RAB38: variants seen among roughly 807,000 people sequenced by gnomAD.
The protein encoded by RAB38 is RAB38, member RAS oncogene family.
RAB38 carries 15 observed loss-of-function variants against 18.4 expected under a neutral mutation model. The ratio of observed to expected loss-of-function variants is 0.82; its 90% confidence interval spans 0.55 to 1.26. The LOEUF (loss-of-function observed/expected upper bound fraction) is 1.26, where lower values mean the gene tolerates loss of function less well. Ranked by LOEUF, RAB38 falls within the 50% of genes most tolerant of loss-of-function variation. RAB38 has a pLI of 0.00. For synonymous variants in RAB38, 101 were observed against 104.4 expected (o/e 0.97, Z 0.20); for missense variants, 294 against 267.4 (o/e 1.10, Z -0.69).
chr11:87,866,660 G>A, the RAB38 span, among the ~76,000 whole-genome samples: 12 of 151,674 alleles, frequency 7.9e-5, no homozygotes, highest in African/African-American at 2.2e-4. Flanking sequence ...AACTCCTACC[G>A]TGTGCCATAT....
chr11:87,846,825 AAGAC>A, the RAB38 span, among the ~76,000 whole-genome samples: 1 of 152,098 alleles, frequency 6.6e-6, no homozygotes, highest in Non-Finnish European at 1.5e-5. Flanking sequence ...AAATCTGAGT[AAGAC>A]AAAGTGCATT....
chr11:87,976,941 A>G, the RAB38 span, among the ~76,000 whole-genome samples: 1,994 of 41,940 alleles, frequency 0.048, 886 homozygotes, highest in Middle Eastern at 0.059. Context: ...ATACAAGTAT[A>G]TTATAAAATA....
At chr11:87,922,690 T>C in the RAB38 span, among the ~76,000 whole-genome samples, 14 of 151,926 alleles carry the variant, frequency 9.2e-5, no homozygotes, top group Non-Finnish European at 1.6e-4. Context: ...TACATGGAAA[T>C]GTGGTAGTTA....
the RAB38 span, among the ~76,000 whole-genome samples, chr11:87,819,812 A>C: frequency 6.7e-6 from 1 of 149,628 alleles, no homozygotes; most frequent in African/African-American, 2.5e-5. Context: ...ATATATATAT[A>C]TATCCATCCA....
At chr11:88,013,257 C>A in the RAB38 span, among the ~76,000 whole-genome samples, 1 of 152,090 alleles carries the variant, frequency 6.6e-6, no homozygotes, top group Non-Finnish European at 1.5e-5. Context: ...AAAGAAATAA[C>A]AGCCTTGATA....
At chr11:87,840,013 G>T in the RAB38 span, among the ~76,000 whole-genome samples, 1 of 152,146 alleles carries the variant, frequency 6.6e-6, no homozygotes, top group Non-Finnish European at 1.5e-5. Context: ...GTAAACCAGT[G>T]AGCCCATGTA....
the RAB38 span, among the ~76,000 whole-genome samples, chr11:87,893,533 A>G: frequency 1.3e-5 from 2 of 151,208 alleles, no homozygotes; most frequent in African/African-American, 4.8e-5. Context: ...AAAGCAAAAC[A>G]TTAAATTTAC....
At chr11:87,930,498 T>C in the RAB38 span, among the ~76,000 whole-genome samples, 1 of 152,232 alleles carries the variant, frequency 6.6e-6, no homozygotes, top group African/African-American at 2.4e-5. Context: ...GCAAAAATTT[T>C]CTCCCATTCT....
At chr11:88,052,590 C>G in the RAB38 span, among the ~76,000 whole-genome samples, 1 of 151,958 alleles carries the variant, frequency 6.6e-6, no homozygotes, top group Non-Finnish European at 1.5e-5. Flanking sequence ...TAGATACTCT[C>G]TTTTTTAAAA....
chr11:88,087,426 C>G, the RAB38 span, among the ~76,000 whole-genome samples: 33 of 152,070 alleles, frequency 2.2e-4, no homozygotes, highest in African/African-American at 6.7e-4. Context: ...TGATGCAGAA[C>G]AGATGAGCCC....
the RAB38 span, among the ~76,000 whole-genome samples, chr11:87,872,239 A>T: frequency 6.6e-6 from 1 of 151,534 alleles, no homozygotes; most frequent in African/African-American, 2.4e-5. Flanking sequence ...TCCGTTTCCC[A>T]TGAAGAGACT....
At chr11:88,070,271 G>A in the RAB38 span, among the ~76,000 whole-genome samples, 700 of 152,232 alleles carry the variant, frequency 4.6e-3, 3 homozygotes, top group African/African-American at 0.016. Flanking sequence ...CGCCTTAAGA[G>A]CTGTAATACT....
chr11:87,921,073 G>C, the RAB38 span, among the ~76,000 whole-genome samples: 11 of 151,936 alleles, frequency 7.2e-5, no homozygotes, highest in East Asian at 1.9e-4. Context: ...TGAACAAGAG[G>C]GGGTAAACCC....
At chr11:87,940,324 C>G in the RAB38 span, among the ~76,000 whole-genome samples, 1 of 152,076 alleles carries the variant, frequency 6.6e-6, no homozygotes, top group Non-Finnish European at 1.5e-5. Context: ...ATGAGAAAGA[C>G]ACTCATCTCT....
At chr11:87,972,084 C>A in the RAB38 span, among the ~76,000 whole-genome samples, 2 of 152,006 alleles carry the variant, frequency 1.3e-5, no homozygotes, top group South Asian at 2.1e-4. Context: ...AAAGACGATT[C>A]ACCTCTCTGC....
chr11:88,173,246 TA>T (rs990341538), intron 1 of RAB38, among the ~76,000 whole-genome samples: 11 of 152,128 alleles, frequency 7.2e-5, no homozygotes, highest in African/African-American at 9.7e-5. Context: ...TATATAGGCT[TA>T]AAAAAATGGT....
At chr11:87,858,221 A>G in the RAB38 span, among the ~76,000 whole-genome samples, 2 of 152,032 alleles carry the variant, frequency 1.3e-5, no homozygotes, top group Non-Finnish European at 2.9e-5. Context: ...CCATTGGTCT[A>G]TATCTCTCTT....
the RAB38 span, among the ~76,000 whole-genome samples, chr11:88,054,090 G>A: frequency 1.3e-5 from 2 of 152,168 alleles, no homozygotes; most frequent in Non-Finnish European, 2.9e-5. Flanking sequence ...TCACCTGACT[G>A]TTGTAAGGAT....
chr11:88,056,328 G>A, the RAB38 span, among the ~76,000 whole-genome samples: 1 of 152,164 alleles, frequency 6.6e-6, no homozygotes, highest in Non-Finnish European at 1.5e-5. Flanking sequence ...GACAATACCA[G>A]GAATGTTAAT....
Sources: gnomAD v4.1 joint callset for allele counts (sites outside exome capture counted in the v4.1 genomes callset) on GRCh38, gnomAD v4.1.1 for gene constraint, MANE v1.5 for transcripts, NCBI Gene and HGNC (gene_info 2026-07-23, HGNC 2026-07-21) for gene names.